TSPAN8: variants seen among roughly 807,000 people sequenced by gnomAD.
TSPAN8 encodes the protein tetraspanin-8.
Under a neutral mutation model 32.8 loss-of-function variants are expected in TSPAN8, and 21 were observed. The observed-to-expected ratio is 0.64, with a 90% CI of 0.45 to 0.92. The LOEUF (loss-of-function observed/expected upper bound fraction) is 0.92. Ranked by LOEUF, TSPAN8 falls within the 40% of genes least tolerant of loss-of-function variation. The pLI is 0.00. For missense variants in TSPAN8, 269 were observed against 281.9 expected, an observed-to-expected ratio of 0.95 and a Z score of 0.33; for synonymous variants, 95 against 94.6, an observed-to-expected ratio of 1.00 and a Z score of -0.03.
At chr12:71,143,118 TA>T (rs1035937420) in intron 3 of TSPAN8, among the ~76,000 whole-genome samples, 6 of 152,110 alleles carry the variant, frequency 3.9e-5, no homozygotes, top group Non-Finnish European at 7.4e-5. Context: ...GCAAATACCT[TA>T]AAAAGGCTCT....
At chr12:71,135,428 G>A (rs1271746963) in intron 6 of TSPAN8, among the ~76,000 whole-genome samples, 1 of 148,724 alleles carries the variant, frequency 6.7e-6, no homozygotes, top group African/African-American at 2.5e-5. Flanking sequence ...GAAAACAAGA[G>A]GAGGAGGAAG....
chr12:71,137,855 TG>T, intron 6 of TSPAN8, 97 bp downstream of exon 6: 1 of 1,121,268 alleles, frequency 8.9e-7, no homozygotes, highest in Non-Finnish European at 1.3e-6. Flanking sequence ...ATCTGCAAAA[TG>T]GAGACATTTT....
intron 2 of TSPAN8, among the ~76,000 whole-genome samples, chr12:71,149,369 CA>C (rs35841431): frequency 0.035 from 3,234 of 91,512 alleles, 71 homozygotes; most frequent in African/African-American, 0.093. Flanking sequence ...ACTCTTGTCT[CA>C]AAAAAAAAAA....
chr12:71,132,543 A>C (rs1303736169), intron 7 of TSPAN8, 150 bp downstream of exon 7: 2 of 937,472 alleles, frequency 2.1e-6, no homozygotes, highest in Non-Finnish European at 3.1e-6. Context: ...TTTATCTTTA[A>C]ATAAGGATTT....
intron 3 of TSPAN8, among the ~76,000 whole-genome samples, 167 bp from the exon 4 acceptor site, chr12:71,140,015 C>CA (rs59122361): frequency 0.014 from 2,080 of 151,734 alleles, 33 homozygotes; most frequent in East Asian, 0.047. Flanking sequence ...ATGGAGCTCA[C>CA]ATTCTATTGA....
intron 3 of TSPAN8, 102 bp from the exon 4 acceptor site, chr12:71,139,950 G>A: frequency 2.9e-6 from 3 of 1,049,262 alleles, no homozygotes; most frequent in Non-Finnish European, 3.8e-6. Context: ...GTCAAGTCCT[G>A]TGCCAGGACC....
chr12:71,147,019 G>A (rs1345348102), intron 2 of TSPAN8, among the ~76,000 whole-genome samples: 1 of 152,072 alleles, frequency 6.6e-6, no homozygotes, highest in Non-Finnish European at 1.5e-5. Context: ...TGAGAAGATG[G>A]CCACAGAAAG....
chr12:71,142,825 G>GGA (rs1392673146), intron 3 of TSPAN8, among the ~76,000 whole-genome samples: 6 of 136,536 alleles, frequency 4.4e-5, no homozygotes, highest in South Asian at 2.4e-4. Context: ...AAGAACAACA[G>GGA]GAGAGAGAGA....
At chr12:71,148,288 T>C (rs1462552482) in intron 2 of TSPAN8, among the ~76,000 whole-genome samples, 1 of 152,194 alleles carries the variant, frequency 6.6e-6, no homozygotes, top group African/African-American at 2.4e-5. Flanking sequence ...TCTTATTCAT[T>C]TGTGAAAGGC....
chr12:71,149,977 T>C (rs1000684894), intron 2 of TSPAN8, among the ~76,000 whole-genome samples: 1 of 152,158 alleles, frequency 6.6e-6, no homozygotes, highest in African/African-American at 2.4e-5. Flanking sequence ...ATTCTTTTCC[T>C]AGAAAGGAAT....
In TSPAN8 at chr12:71,141,902, C is replaced by T. The variant is rs1490194394; in HGVS notation, c.124-2054G>A. On this transcript the variant is annotated intron_variant, in intron 3 of 8. Transcript: ENST00000247829. The stretch of plus-strand genomic sequence containing the variant: ...GAGGACTCAGGAATCCTCTTTGGAT[C>T]AGAAGGGACCTCCTGGGACAAGGAT... Among the ~76,000 whole-genome samples, 4 of 152,238 alleles carry T rather than the reference C, an allele frequency of 2.6e-5. 1 individual carries two copies. In the South Asian group the frequency reaches 6.2e-4, roughly 24 times the overall value.
At chr12:71,141,897 T>C (rs1197373365) in intron 3 of TSPAN8, among the ~76,000 whole-genome samples, 2 of 152,190 alleles carry the variant, frequency 1.3e-5, no homozygotes, top group Admixed American at 6.5e-5. Context: ...GAATCCTCTT[T>C]GGATCAGAAG....
intron 2 of TSPAN8, among the ~76,000 whole-genome samples, chr12:71,145,927 T>G (rs960541759): frequency 6.6e-6 from 1 of 152,196 alleles, no homozygotes; most frequent in Non-Finnish European, 1.5e-5. Context: ...ACTTTAAGAA[T>G]TCTTAGTAAG....
At chr12:71,138,999 T>C (rs1048817115) in intron 4 of TSPAN8, among the ~76,000 whole-genome samples, 1 of 78,624 alleles carries the variant, frequency 1.3e-5, no homozygotes, top group Non-Finnish European at 2.7e-5. Context: ...ATCCATTTTC[T>C]ACTGTATATG....
At chr12:71,135,444 G>T (rs1484491844) in intron 6 of TSPAN8, among the ~76,000 whole-genome samples, 2 of 149,152 alleles carry the variant, frequency 1.3e-5, no homozygotes, top group Non-Finnish European at 3.0e-5. Context: ...GGAAGAAAAA[G>T]AATCAGCAGA....
At chr12:71,137,535 G>T (rs1871740913) in intron 6 of TSPAN8, among the ~76,000 whole-genome samples, 1 of 151,910 alleles carries the variant, frequency 6.6e-6, no homozygotes, top group African/African-American at 2.4e-5. Flanking sequence ...GGGAGGCAGA[G>T]GTTGCAGCGA....
intron 2 of TSPAN8, among the ~76,000 whole-genome samples, chr12:71,146,726 G>A (rs1308705220): frequency 6.6e-6 from 1 of 152,150 alleles, no homozygotes; most frequent in African/African-American, 2.4e-5. Flanking sequence ...TCATGGAACA[G>A]CCATCATTTT....
intron 8 of TSPAN8, among the ~76,000 whole-genome samples, chr12:71,129,127 AT>A (rs1322754958): frequency 6.6e-6 from 1 of 152,020 alleles, no homozygotes; most frequent in Non-Finnish European, 1.5e-5. Context: ...TGCTCACTTC[AT>A]AAGACTGGAA....
intron 2 of TSPAN8, among the ~76,000 whole-genome samples, chr12:71,151,402 C>A (rs1872252539): frequency 6.6e-6 from 1 of 152,152 alleles, no homozygotes; most frequent in Non-Finnish European, 1.5e-5. Flanking sequence ...ATAACTGCTG[C>A]AAATTCTAAT....
Sources: allele counts gnomAD v4.1 joint callset (sites outside exome capture counted in the v4.1 genomes callset), GRCh38; gene constraint gnomAD v4.1.1; transcripts MANE v1.5; gene names NCBI Gene and HGNC (gene_info 2026-07-23, HGNC 2026-07-21).